Variants in MFN1 observed in about 807,000 individuals in gnomAD.
The protein encoded by MFN1 is mitofusin-1.
A neutral mutation model predicts 92.4 loss-of-function variants in MFN1; 65 were observed. The ratio of observed to expected loss-of-function variants is 0.70; its 90% CI spans 0.58 to 0.86. MFN1 has a LOEUF of 0.86. Ranked by LOEUF, MFN1 falls within the 40% of genes least tolerant of loss-of-function variation. The probability of loss-of-function intolerance (pLI) is 0.00; values close to 1 mark genes in which losing one functional copy is unlikely to be tolerated. For synonymous variants in MFN1, 297 were observed against 300.9 expected, an observed-to-expected ratio of 0.99 and a Z score of 0.13; for missense variants, 781 against 868.0, an observed-to-expected ratio of 0.90 and a Z score of 1.26.
chr3:179,365,249 T>C, intron 7 of MFN1, 24 bp downstream of exon 7: 1 of 1,353,776 alleles, frequency 7.4e-7, no homozygotes. Flanking sequence ...TTTTTTTTTG[T>C]AGGTTTTGAA....
At chr3:179,368,817 A>G (rs2108539035) in intron 9 of MFN1, among the ~76,000 whole-genome samples, 1 of 152,346 alleles carries the variant, frequency 6.6e-6, no homozygotes, top group South Asian at 2.1e-4. Flanking sequence ...TATAATTCAT[A>G]TCACCTTCCC....
intron 10 of MFN1, among the ~76,000 whole-genome samples, chr3:179,375,742 C>T (rs918507552): frequency 3.3e-5 from 5 of 152,160 alleles, no homozygotes; most frequent in Non-Finnish European, 7.3e-5. Context: ...TTTGAAATCA[C>T]TATTTTATAC....
rs372339508 is a variant in MFN1, at chr3:179,368,948, T to G, written c.975+845T>G. 3.9e-5 allele frequency among the ~76,000 whole-genome samples: 6 copies of G among 152,302 alleles called. 2 individuals are homozygous for G. Among genetic ancestry groups the G allele is most frequent in the South Asian group, 2.1e-4 (1 of 4,832 alleles). ...ATGTTGAGTATACTTGGCAGGATTT[T>G]TAAAATAAAAAATGTGCTTACTATC... On this transcript the variant is annotated intron_variant, in intron 9 of 17. Transcript: ENST00000471841.
rs1712164042 is a variant in MFN1 at position 179,351,940 on chromosome 3, A to G, written c.153A>G (p.Glu51=). The G allele has an allele frequency of 1.9e-6, 3 of 1,610,052 alleles. No individual in the cohort carries two copies. Among genetic ancestry groups the G allele is most frequent in the South Asian group, 2.2e-5 (2 of 90,686 alleles). Residue 51 remains glutamate, a synonymous_variant, in exon 3 of 18, where the codon GAA becomes GAG. Coordinates refer to ENST00000471841, the MANE Select transcript of MFN1 (RefSeq NM_033540.3). ...KNPELDRIAT[E]DDLVEMQGYK... ...CGGAACTTGATCGAATAGCCACTGA[A>G]GATGATCTGGTAGAAATGCAAGGAT...
At chr3:179,367,266 A>G (rs1317767570) in intron 7 of MFN1, among the ~76,000 whole-genome samples, 173 bp from the exon 8 acceptor site, 1 of 152,232 alleles carries the variant, frequency 6.6e-6, no homozygotes, top group Non-Finnish European at 1.5e-5. Context: ...TCGTTAAGAG[A>G]AAGATTTCCT....
chr3:179,348,607 T>C (rs898427346), intron 1 of MFN1, among the ~76,000 whole-genome samples: 8 of 152,226 alleles, frequency 5.3e-5, no homozygotes, highest in Admixed American at 5.2e-4. Context: ...CAAAGGGAAA[T>C]TGAGTAGAAA....
chr3:179,385,238 T>C (rs1326141739), intron 14 of MFN1, among the ~76,000 whole-genome samples: 3 of 150,638 alleles, frequency 2.0e-5, no homozygotes, highest in Admixed American at 6.6e-5. Flanking sequence ...TTTTTTAGTT[T>C]ATCATTTTTT....
intron 4 of MFN1, among the ~76,000 whole-genome samples, chr3:179,361,632 G>A (rs1310694250): frequency 1.3e-5 from 2 of 151,944 alleles, no homozygotes; most frequent in African/African-American, 4.8e-5. Flanking sequence ...CACCTCCTGG[G>A]TTCAAGCAAT....
intron 13 of MFN1, 26 bp from the exon 14 acceptor site, chr3:179,378,559 A>C: frequency 1.3e-6 from 2 of 1,570,476 alleles, no homozygotes; most frequent in Non-Finnish European, 1.7e-6. Context: ...TTCTTATCTT[A>C]AGTGTTGTAA....
At chr3:179,380,640 A>G (rs1013816479) in intron 14 of MFN1, among the ~76,000 whole-genome samples, 1 of 152,198 alleles carries the variant, frequency 6.6e-6, no homozygotes, top group Non-Finnish European at 1.5e-5. Context: ...GTGTTTCATT[A>G]TTTCAACCTT....
chr3:179,383,178 C>T (rs1713540008), intron 14 of MFN1, among the ~76,000 whole-genome samples: 1 of 152,158 alleles, frequency 6.6e-6, no homozygotes, highest in African/African-American at 2.4e-5. Flanking sequence ...CCTAGGTTTT[C>T]TTCTAGGGTT....
chr3:179,392,182 C>T lies in MFN1; in HGVS notation c.*123C>T, dbSNP rs1713928725. ...ACTAACTGTACCTAAATAGCAAAGC[C>T]CTGTGTAGATTCTGGTAATGATCTG... On this transcript the variant is annotated 3_prime_UTR_variant, in exon 18 of 18. Transcript: ENST00000471841. 6.3e-6 allele frequency: 4 copies of T among 630,560 alleles called. No homozygotes were observed. Among genetic ancestry groups the T allele is most frequent in the African/African-American group, 5.6e-5 (3 of 54,016 alleles). 39.1% of individuals were successfully genotyped at this position (630,560 alleles called of 1,614,324 possible). A position where few individuals can be genotyped will look rare whatever the true frequency, so the allele number is the denominator to read the frequency against.
rs1454623035 is a variant in MFN1 at position 179,378,620 on chromosome 3, G to A, written c.1468G>A (p.Asp490Asn). The A allele has an allele frequency of 6.2e-7, 1 of 1,613,212 alleles. No homozygotes were observed. The highest frequency in any genetic ancestry group is 8.5e-7 in the Non-Finnish European group (1 of 1,179,524). The change falls in exon 14 of 18, where the codon GAT becomes AAT. Residue 490 changes from aspartate to asparagine, a missense_variant. Transcript: ENST00000471841. ...GCCATTACTTCCAGCTGGTATACAG[G>A]ATAAACTACATACACTGATCCCTTG... is the stretch of plus-strand genomic sequence containing the variant. ...LKPLLPAGIQDKLHTLIPCKK... is the reference protein window; with the variant it reads ...LKPLLPAGIQNKLHTLIPCKK...
Position 179,385,718 on chromosome 3 carries a change from A to G in MFN1, c.1812A>G (p.Gly604=). 1.2e-6 allele frequency: 2 copies of G among 1,612,414 alleles called. No individual in the cohort carries two copies. ...RTSMGIIIVG[G]VIWKTIGWKL... ...CTATGGGCATCATTATTGTTGGAGGAGTGGTAAGAAACATTACTTTTAGTA... is the reference window on the plus strand; with the variant it reads ...CTATGGGCATCATTATTGTTGGAGGGGTGGTAAGAAACATTACTTTTAGTA... Residue 604 remains glycine, a synonymous_variant, in exon 15 of 18, where the codon GGA becomes GGG. Coordinates refer to ENST00000471841, the MANE Select transcript of MFN1 (RefSeq NM_033540.3).
chr3:179,378,843 ACT>A (rs1039041680), intron 14 of MFN1, 29 bp downstream of exon 14: 6 of 1,484,190 alleles, frequency 4.0e-6, no homozygotes, highest in South Asian at 3.5e-5. Flanking sequence ...ACCAATTAAG[ACT>A]CTCCTTTATT....
Position 179,377,170 on chromosome 3 carries a change from T to TG in MFN1, c.1224+5dup. 1 of 1,611,766 alleles carries TG rather than the reference T, an allele frequency of 6.2e-7. No individual in the cohort carries two copies. Among genetic ancestry groups the TG allele is most frequent in the African/African-American group, 1.3e-5 (1 of 74,908 alleles). On this transcript the variant is annotated splice_region_variant and intron_variant, in intron 11 of 17. Coordinates refer to ENST00000471841, the MANE Select transcript of MFN1 (RefSeq NM_033540.3). The stretch of plus-strand genomic sequence containing the variant: ...GTTACCGAGGAGGTGGCAAACAAAG[T>TG]GGGTAACAGTAGCTTCATGATTAAA...
chr3:179,364,151 A>G (rs1712691555), intron 5 of MFN1, 146 bp from the exon 6 acceptor site: 1 of 562,086 alleles, frequency 1.8e-6, no homozygotes, highest in Non-Finnish European at 3.1e-6. Context: ...AAAGATCACT[A>G]AGTTAAAATT....
chr3:179,381,238 A>T (rs1420665727), intron 14 of MFN1, among the ~76,000 whole-genome samples: 3 of 152,246 alleles, frequency 2.0e-5, no homozygotes, highest in African/African-American at 7.2e-5. Flanking sequence ...AGAGACTTCA[A>T]CAAAAACCAT....
chr3:179,387,340 G>C (rs1713723170), intron 16 of MFN1, among the ~76,000 whole-genome samples: 1 of 152,104 alleles, frequency 6.6e-6, no homozygotes. Flanking sequence ...GAGGTCGGGA[G>C]TTCGAGAACA....
Sources: gnomAD v4.1 joint callset for allele counts (sites outside exome capture counted in the v4.1 genomes callset) on GRCh38, gnomAD v4.1.1 for gene constraint, MANE v1.5 for transcripts, NCBI Gene and HGNC (gene_info 2026-07-23, HGNC 2026-07-21) for gene names.